RASGRF2: variants seen among roughly 807,000 people sequenced by gnomAD.
RASGRF2 encodes Ras protein specific guanine nucleotide releasing factor 2.
Under a neutral mutation model 151.0 loss-of-function variants are expected in RASGRF2, and 76 were observed. The observed-to-expected ratio is 0.50, with a 90% CI of 0.42 to 0.61. The LOEUF is 0.61. RASGRF2 is among the 20% of genes least tolerant of loss of function. RASGRF2 has a pLI of 0.00. For missense variants in RASGRF2, 1,148 were observed against 1,564.6 expected, an observed-to-expected ratio of 0.73 and a Z score of 4.49; for synonymous variants, 504 against 566.5, an observed-to-expected ratio of 0.89 and a Z score of 1.57.
rs10606038 is a variant in RASGRF2, at chr5:81,108,834, C to CTGTGTGTG, written c.1756-122_1756-115dup. 9.7e-4 allele frequency among the ~76,000 whole-genome samples: 136 copies of CTGTGTGTG among 139,908 alleles called. 1 individual carries two copies. Among genetic ancestry groups the CTGTGTGTG allele is most frequent in the African/African-American group, 3.2e-3 (120 of 37,746 alleles). The allele number at this position is 139,908 out of a possible 152,430, so 91.8% of individuals were successfully genotyped here. A position where few individuals can be genotyped will look rare whatever the true frequency, so the allele number is the denominator to read the frequency against. ...CATCAGTGTATAATATTTACCTACT[C>CTGTGTGTG]TGTGTGTGTGTGTGTGTGTGTGTGT... On this transcript the variant is annotated intron_variant, in intron 12 of 26. Transcript: ENST00000265080.
At chr5:81,054,835 C>G (rs1454297361) in intron 2 of RASGRF2, among the ~76,000 whole-genome samples, 1 of 148,938 alleles carries the variant, frequency 6.7e-6, no homozygotes, top group Admixed American at 6.7e-5. Flanking sequence ...TTGAAGAGGT[C>G]CTTCACATCC....
chr5:81,083,480 T>A (rs1479253981), intron 7 of RASGRF2, among the ~76,000 whole-genome samples: 1 of 152,180 alleles, frequency 6.6e-6, no homozygotes, highest in African/African-American at 2.4e-5. Context: ...GGCCCTTTTT[T>A]GAGTTAGTCA....
chr5:81,125,144 C>T (rs1243198795), intron 16 of RASGRF2, among the ~76,000 whole-genome samples: 1 of 152,196 alleles, frequency 6.6e-6, no homozygotes, highest in Non-Finnish European at 1.5e-5. Flanking sequence ...TCCTCAGCCT[C>T]TCAAAGTGTT....
At chr5:81,203,734 T>C (rs1755445654) in intron 19 of RASGRF2, among the ~76,000 whole-genome samples, 1 of 152,238 alleles carries the variant, frequency 6.6e-6, no homozygotes, top group South Asian at 2.1e-4. Context: ...GTGGGACTCA[T>C]AATAGCTACT....
At chr5:81,143,421 T>C (rs969602188) in intron 17 of RASGRF2, among the ~76,000 whole-genome samples, 10 of 152,040 alleles carry the variant, frequency 6.6e-5, no homozygotes, top group Non-Finnish European at 1.3e-4. Flanking sequence ...GTGCTGGGAT[T>C]ACAGGTATGA....
chr5:80,967,725 A>G (rs1368916466), intron 1 of RASGRF2, among the ~76,000 whole-genome samples: 1 of 152,156 alleles, frequency 6.6e-6, no homozygotes, highest in Non-Finnish European at 1.5e-5. Flanking sequence ...TTGAAAAGCT[A>G]GGAGGTTTCC....
At chr5:80,970,535 C>T (rs555874765) in intron 1 of RASGRF2, among the ~76,000 whole-genome samples, 14 of 146,540 alleles carry the variant, frequency 9.6e-5, no homozygotes, top group Non-Finnish European at 1.9e-4. Flanking sequence ...CTGAGTCTTT[C>T]CTCATAGGTT....
rs1756046441 is a variant in RASGRF2 at position 81,228,486 on chromosome 5, G to A, written c.*2716G>A. 1 of 152,214 alleles carries A rather than the reference G, an allele frequency of 6.6e-6. No individual in the cohort carries two copies. Among genetic ancestry groups the A allele is most frequent in the African/African-American group, 2.4e-5 (1 of 41,460 alleles). 9.4% of individuals were successfully genotyped at this position (152,214 alleles called of 1,614,324 possible). On this transcript the variant is annotated 3_prime_UTR_variant, in exon 27 of 27. Transcript: ENST00000265080. ...ACACACAAAGCATGCATTCCCAGCT[G>A]CATCTGCCTCTAGTCCATTATGGAG...
intron 1 of RASGRF2, among the ~76,000 whole-genome samples, chr5:80,985,400 T>A (rs921676260): frequency 6.6e-6 from 1 of 152,230 alleles, no homozygotes; most frequent in African/African-American, 2.4e-5. Flanking sequence ...AGCCATTTAG[T>A]AATTGATATA....
At chr5:81,217,328 C>T in intron 24 of RASGRF2, 28 bp from the exon 25 acceptor site, 3 of 1,580,166 alleles carry the variant, frequency 1.9e-6, no homozygotes, top group Non-Finnish European at 2.6e-6. Context: ...TCAAATGAGT[C>T]TCAGAACAGT....
In RASGRF2 at chr5:81,035,416, A is replaced by G. The variant is rs1164613359; in HGVS notation, c.289-7461A>G. On this transcript the variant is annotated intron_variant, in intron 1 of 26. Transcript: ENST00000265080. Reference sequence around the variant, plus strand: ...TCATAGGTGGGAATTGAACGATGAGAACACTTGGACATAGGGTGGGGAGCA... The same window carrying G: ...TCATAGGTGGGAATTGAACGATGAGGACACTTGGACATAGGGTGGGGAGCA... 2.0e-5 allele frequency among the ~76,000 whole-genome samples: 3 copies of G among 152,162 alleles called. No individual in the cohort carries two copies. The South Asian group carries it at 6.2e-4, about 32-fold the overall frequency.
chr5:81,141,559 T>C (rs1408544439), intron 17 of RASGRF2, among the ~76,000 whole-genome samples: 1 of 152,226 alleles, frequency 6.6e-6, no homozygotes, highest in East Asian at 1.9e-4. Flanking sequence ...TGCCCTGATA[T>C]AGCCTCTAAT....
At chr5:81,113,319 C>T in intron 14 of RASGRF2, 1 of 612,816 alleles carries the variant, frequency 1.6e-6, no homozygotes, top group Non-Finnish European at 2.8e-6. Context: ...GCTGTTTGGA[C>T]CACAGTTTAG....
chr5:81,218,016 A>G (rs1043410699), intron 25 of RASGRF2, among the ~76,000 whole-genome samples: 3 of 152,156 alleles, frequency 2.0e-5, no homozygotes, highest in African/African-American at 7.2e-5. Context: ...TGCTAGGATT[A>G]CAGGAGTGAG....
At chr5:81,178,329 G>C (rs1168096721) in intron 17 of RASGRF2, among the ~76,000 whole-genome samples, 1 of 152,198 alleles carries the variant, frequency 6.6e-6, no homozygotes, top group Admixed American at 6.5e-5. Flanking sequence ...TGGAGGGAGG[G>C]TGGTATTTCT....
intron 1 of RASGRF2, among the ~76,000 whole-genome samples, chr5:81,009,881 G>A (rs940505833): frequency 2.0e-5 from 3 of 152,056 alleles, no homozygotes; most frequent in Admixed American, 1.3e-4. Context: ...TGGAGAGGCC[G>A]GGTGCGGTGG....
At chr5:81,144,878 AC>A (rs1561230028) in intron 17 of RASGRF2, among the ~76,000 whole-genome samples, 1 of 151,890 alleles carries the variant, frequency 6.6e-6, no homozygotes, top group Non-Finnish European at 1.5e-5. Flanking sequence ...TCTAACCACC[AC>A]CCTACTCTGC....
chr5:81,105,455 A>C (rs1752820937), intron 12 of RASGRF2, among the ~76,000 whole-genome samples: 1 of 152,096 alleles, frequency 6.6e-6, no homozygotes, highest in Non-Finnish European at 1.5e-5. Context: ...TTGTCTCTGG[A>C]GCTGTGTGGG....
chr5:81,207,195 T>C, intron 20 of RASGRF2, 51 bp from the exon 21 acceptor site: 2 of 1,472,446 alleles, frequency 1.4e-6, no homozygotes, highest in Non-Finnish European at 1.9e-6. Context: ...TGCAATGAGA[T>C]GGCAGGCGCC....
Sources: gnomAD v4.1 joint callset for allele counts (sites outside exome capture counted in the v4.1 genomes callset) on GRCh38, gnomAD v4.1.1 for gene constraint, MANE v1.5 for transcripts, NCBI Gene and HGNC (gene_info 2026-07-23, HGNC 2026-07-21) for gene names.